CUL3: variants seen among roughly 807,000 people sequenced by gnomAD.
CUL3 encodes the protein cullin 3, also known as cullin-3.
A neutral mutation model predicts 89.1 loss-of-function variants in CUL3; 19 were observed. The observed-to-expected ratio is 0.21, with a 90% CI of 0.15 to 0.31. CUL3 has a LOEUF of 0.31. Ranked by LOEUF, CUL3 falls within the 10% of genes least tolerant of loss-of-function variation. CUL3 has a pLI of 1.00. For missense variants in CUL3, 469 were observed against 942.3 expected (o/e 0.50, Z 6.58); for synonymous variants, 351 against 308.4 (o/e 1.14, Z -1.45).
In CUL3 at chr2:224,561,658, A is replaced by G. The variant is rs540180263; in HGVS notation, c.67-3802T>C. Among the ~76,000 whole-genome samples, 4 of 152,294 alleles carry G rather than the reference A, an allele frequency of 2.6e-5. No individual in the cohort carries two copies. In the East Asian group the frequency reaches 7.7e-4, roughly 29 times the overall value. ...CAGAGACTTTTATCAAATGACTGTA[A>G]AAGAATTTACCCCTACACCTATACT... is the stretch of plus-strand genomic sequence containing the variant. On this transcript the variant is annotated intron_variant, in intron 1 of 15. Coordinates refer to ENST00000264414, the MANE Select transcript of CUL3 (RefSeq NM_003590.5).
At chr2:224,569,793 G>A (rs747522490) in intron 1 of CUL3, 1 of 1,154,466 alleles carries the variant, frequency 8.7e-7, no homozygotes. Context: ...CAAAGGACAA[G>A]AAGTCTTTAG....
chr2:224,584,983 GC>G lies in CUL3; in HGVS notation c.26del (p.Gly9AlafsTer15). On this transcript the variant is annotated frameshift_variant, in exon 1 of 16. Coordinates refer to ENST00000264414, the MANE Select transcript of CUL3 (RefSeq NM_003590.5). LOFTEE classifies it high-confidence loss of function. ...TCCGCATCTTGGTGTCCTTCCGGCT[GC>G]CCGTGCCTTTGCTCAGATTCGACAT... MSNLSKGT[G>X]SRKDTKMRIR... The G allele has an allele frequency of 6.6e-7, 1 of 1,508,614 alleles. No homozygotes were observed. Among genetic ancestry groups the G allele is most frequent in the East Asian group, 2.7e-5 (1 of 37,370 alleles). 93.5% of individuals were successfully genotyped at this position (1,508,614 alleles called of 1,614,324 possible). A position where few individuals can be genotyped will look rare whatever the true frequency, so the allele number is the denominator to read the frequency against.
At chr2:224,504,781 C>G (rs572010540) in intron 8 of CUL3, among the ~76,000 whole-genome samples, 8 of 152,332 alleles carry the variant, frequency 5.3e-5, no homozygotes, top group African/African-American at 1.9e-4. Flanking sequence ...CGACATGTTG[C>G]TTTTCCCTTT....
chr2:224,539,138 A>G (rs1409176348), intron 2 of CUL3, among the ~76,000 whole-genome samples: 8 of 152,226 alleles, frequency 5.3e-5, no homozygotes, highest in Non-Finnish European at 1.0e-4. Flanking sequence ...AAAGTAACTC[A>G]ATTTTTAAAA....
chr2:224,576,691 G>C (rs556306434), intron 1 of CUL3, among the ~76,000 whole-genome samples: 6 of 99,758 alleles, frequency 6.0e-5, no homozygotes, highest in African/African-American at 1.2e-4. Flanking sequence ...AAAAAAAGGG[G>C]GGGGGGGGAG....
At chr2:224,552,908 T>C (rs569893035) in intron 2 of CUL3, among the ~76,000 whole-genome samples, 5 of 152,240 alleles carry the variant, frequency 3.3e-5, no homozygotes, top group Non-Finnish European at 5.9e-5. Context: ...AGATTAAAGA[T>C]AGGTATTCTG....
At position 224,500,266 on chromosome 2, in the gene CUL3, T is replaced by A. The variant is rs1213630482; in HGVS notation, c.1610+97A>T. The stretch of plus-strand genomic sequence containing the variant: ...TTTGATCACGAGGTAATAAATGGAA[T>A]ACATTCATCCTCAATTACGGATACT... On this transcript the variant is annotated intron_variant, in intron 11 of 15. Transcript: ENST00000264414. 5.1e-6 allele frequency: 7 copies of A among 1,374,962 alleles called. No individual in the cohort carries two copies. The East Asian group carries it at 1.6e-4, about 32-fold the overall frequency. 85.2% of individuals were successfully genotyped at this position (1,374,962 alleles called of 1,614,324 possible). A position where few individuals can be genotyped will look rare whatever the true frequency, so the allele number is the denominator to read the frequency against.
intron 3 of CUL3, among the ~76,000 whole-genome samples, chr2:224,531,788 A>G (rs1693705370): frequency 6.6e-6 from 1 of 152,200 alleles, no homozygotes; most frequent in Admixed American, 6.5e-5. Flanking sequence ...AGATATGTAA[A>G]AGAATTCCAA....
intron 2 of CUL3, among the ~76,000 whole-genome samples, chr2:224,552,680 C>T (rs1481815590): frequency 6.6e-6 from 1 of 152,202 alleles, no homozygotes; most frequent in Middle Eastern, 3.2e-3. Context: ...AACCAGCCCT[C>T]AATCCATGTA....
At chr2:224,474,737 C>G (rs767822661) in intron 15 of CUL3, among the ~76,000 whole-genome samples, 2 of 152,194 alleles carry the variant, frequency 1.3e-5, no homozygotes, top group Non-Finnish European at 2.9e-5. Context: ...TTAAAGAACA[C>G]AAACTCCGGA....
At chr2:224,523,999 T>C (rs1384065042) in intron 3 of CUL3, among the ~76,000 whole-genome samples, 1 of 152,142 alleles carries the variant, frequency 6.6e-6, no homozygotes, top group Admixed American at 6.5e-5. Context: ...GTGACAGCTC[T>C]GTACAACAAT....
Position 224,585,268 on chromosome 2 carries a change from C to CA in CUL3, c.-260dup. 2.5e-6 allele frequency: 1 copy of CA among 398,384 alleles called. No individual in the cohort carries two copies. Among genetic ancestry groups the CA allele is most frequent in the Non-Finnish European group, 4.4e-6 (1 of 226,978 alleles). The allele number at this position is 398,384 out of a possible 1,614,324, so 24.7% of individuals were successfully genotyped here. ...CGCGGCGGCTCCGCGGGGTCCCCCTCACGTCCGGCTCGGCTCCCTTTATCG... is the reference window on the plus strand; with the variant it reads ...CGCGGCGGCTCCGCGGGGTCCCCCTCAACGTCCGGCTCGGCTCCCTTTATCG... On this transcript the variant is annotated 5_prime_UTR_variant, in exon 1 of 16. Transcript: ENST00000264414.
rs10203789 is a variant in CUL3, at chr2:224,481,823, T to C, written c.2029+69A>G. On this transcript the variant is annotated intron_variant, in intron 14 of 15. Transcript: ENST00000264414. ...AGGAGTATTTTTAAAAGAAATCCAA[T>C]AGATGAGATTTTTTTTCTAAAGAGA... 4.8e-4 allele frequency: 530 copies of C among 1,107,206 alleles called. 2 individuals are homozygous for C. In the African/African-American group the frequency reaches 7.9e-3, roughly 17 times the overall value. 68.6% of individuals were successfully genotyped at this position (1,107,206 alleles called of 1,614,324 possible).
intron 3 of CUL3, among the ~76,000 whole-genome samples, chr2:224,522,810 A>C (rs563150142): frequency 6.7e-6 from 1 of 149,434 alleles, no homozygotes; most frequent in East Asian, 2.0e-4. Flanking sequence ...CCTGGGTGAC[A>C]GCGTGAGACA....
At chr2:224,496,778 ACTTT>A (rs1307027902) in intron 12 of CUL3, among the ~76,000 whole-genome samples, 1 of 152,160 alleles carries the variant, frequency 6.6e-6, no homozygotes. Flanking sequence ...ACAAAGTGGA[ACTTT>A]CTAATTCTTC....
At chr2:224,495,638 T>C (rs1692144442) in intron 13 of CUL3, 194 bp downstream of exon 13, 1 of 432,722 alleles carries the variant, frequency 2.3e-6, no homozygotes, top group Non-Finnish European at 4.1e-6. Context: ...AAAGTACTTC[T>C]ATAAAGTTAA....
chr2:224,540,873 T>C (rs903374279), intron 2 of CUL3, among the ~76,000 whole-genome samples: 1 of 152,184 alleles, frequency 6.6e-6, no homozygotes, highest in African/African-American at 2.4e-5. Context: ...GTGTTCTCAA[T>C]GTTCAGCTCC....
intron 14 of CUL3, among the ~76,000 whole-genome samples, chr2:224,480,592 A>T (rs1044824456): frequency 5.3e-5 from 8 of 152,214 alleles, no homozygotes; most frequent in Non-Finnish European, 8.8e-5. Flanking sequence ...TTTTTTAAAC[A>T]TAATACTAAT....
rs752636365 is a variant in CUL3, at chr2:224,503,864, C to CTACAAAAG, written c.1207-50_1207-43dup. On this transcript the variant is annotated intron_variant, in intron 8 of 15. Transcript: ENST00000264414. ...ATGTAACAATTATACAATTTTAGTTCTACAAAAGCAGTACTACGGTTCATT... is the reference window on the plus strand; with the variant it reads ...ATGTAACAATTATACAATTTTAGTTCTACAAAAGTACAAAAGCAGTACTACGGTTCATT... The CTACAAAAG allele has an allele frequency of 2.1e-6, 3 of 1,434,872 alleles. No homozygotes were observed. The African/African-American group carries it at 4.3e-5, about 20-fold the overall frequency. The allele number at this position is 1,434,872 out of a possible 1,614,324, so 88.9% of individuals were successfully genotyped here. A position where few individuals can be genotyped will look rare whatever the true frequency, so the allele number is the denominator to read the frequency against.
Sources: allele counts gnomAD v4.1 joint callset (sites outside exome capture counted in the v4.1 genomes callset), GRCh38; gene constraint gnomAD v4.1.1; transcripts MANE v1.5; gene names NCBI Gene and HGNC (gene_info 2026-07-23, HGNC 2026-07-21).